OR1C1: variants seen among roughly 807,000 people sequenced by gnomAD.
OR1C1 encodes olfactory receptor family 1 subfamily C member 1.
For synonymous variants in OR1C1, 153 were observed against 154.6 expected, an observed-to-expected ratio of 0.99 and a Z score of 0.08; for missense variants, 407 against 384.3, an observed-to-expected ratio of 1.06 and a Z score of -0.49.
Position 247,757,171 on chromosome 1 carries a change from T to C in OR1C1, c.*291A>G. The C allele has an allele frequency of 8.1e-6, 2 of 247,740 alleles. No individual in the cohort carries two copies. The highest frequency in any genetic ancestry group is 1.5e-5 in the Non-Finnish European group (2 of 129,572). 15.3% of individuals were successfully genotyped at this position (247,740 alleles called of 1,614,324 possible). On this transcript the variant is annotated 3_prime_UTR_variant, in exon 2 of 2. Coordinates refer to ENST00000641256, the MANE Select transcript of OR1C1 (RefSeq NM_012353.3). ...TTTGGGAACTATATCACAGAGATTC[T>C]CATCACTAAGGTATATTTGTACTGG...
rs911300509 is a variant in OR1C1 at position 247,757,332 on chromosome 1, G to T, written c.*130C>A. On this transcript the variant is annotated 3_prime_UTR_variant, in exon 2 of 2. Coordinates refer to ENST00000641256, the MANE Select transcript of OR1C1 (RefSeq NM_012353.3). ...TTTAATGTGATAATTCATATAAAGT[G>T]CTTAACACGATTTCCAGCATAAGGG... 16 of 663,950 alleles carry T rather than the reference G, an allele frequency of 2.4e-5. No individual in the cohort carries two copies. The East Asian group carries it at 4.1e-4, about 17-fold the overall frequency. The allele number at this position is 663,950 out of a possible 1,614,324, so 41.1% of individuals were successfully genotyped here.
chr1:247,755,460 C>G lies in OR1C1; in HGVS notation c.*2002G>C, dbSNP rs1259103973. 2 of 151,936 alleles carry G rather than the reference C, an allele frequency of 1.3e-5. No individual in the cohort carries two copies. The highest frequency in any genetic ancestry group is 2.9e-5 in the Non-Finnish European group (2 of 67,956). 9.4% of individuals were successfully genotyped at this position (151,936 alleles called of 1,614,324 possible). A position where few individuals can be genotyped will look rare whatever the true frequency, so the allele number is the denominator to read the frequency against. The stretch of plus-strand genomic sequence containing the variant: ...ATAAGGAGTTCAAATAACTCAGTAG[C>G]AAAAAACTGCCAAATAACACAATTT... On this transcript the variant is annotated 3_prime_UTR_variant, in exon 2 of 2. Transcript: ENST00000641256.
At chr1:247,758,640 T>A (rs1661277628) in intron 1 of OR1C1, 1 of 425,516 alleles carries the variant, frequency 2.4e-6, no homozygotes, top group Non-Finnish European at 4.2e-6. Context: ...CAGTATCAAC[T>A]TCTTTCAAGA....
chr1:247,757,398 G>T lies in OR1C1; in HGVS notation c.*64C>A, dbSNP rs1661228494. The T allele has an allele frequency of 2.4e-6, 3 of 1,264,496 alleles. No individual in the cohort carries two copies. Among genetic ancestry groups the T allele is most frequent in the East Asian group, 4.7e-5 (2 of 42,976 alleles). 78.3% of individuals were successfully genotyped at this position (1,264,496 alleles called of 1,614,324 possible). On this transcript the variant is annotated 3_prime_UTR_variant, in exon 2 of 2. Coordinates refer to ENST00000641256, the MANE Select transcript of OR1C1 (RefSeq NM_012353.3). The stretch of plus-strand genomic sequence containing the variant: ...GTTGGTTTCTCTTCTCACTGTTATT[G>T]TGAGCATCTAGTCACACTTTCTTAT...
chr1:247,758,207 G>A lies in OR1C1; in HGVS notation c.200C>T (p.Ala67Val), dbSNP rs116453035. The change falls in exon 2 of 2, where the codon GCC becomes GTC. Residue 67 changes from alanine (A) to valine (V), a missense_variant. Coordinates refer to ENST00000641256, the MANE Select transcript of OR1C1 (RefSeq NM_012353.3). The stretch of plus-strand genomic sequence containing the variant: ...CGACGTAAAGCAGATGTCAACAAAG[G>A]CCAAGTTACTAAGGAAGAAGTACAT... ...SPMYFFLSNL[A>V]FVDICFTSTT... 3.2e-3 allele frequency: 5,097 copies of A among 1,614,012 alleles called. 104 individuals are homozygous for A. The African/African-American group carries it at 0.051, about 16-fold the overall frequency.
At chr1:247,759,644 A>G (rs1661294709) in intron 1 of OR1C1, among the ~76,000 whole-genome samples, 1 of 152,204 alleles carries the variant, frequency 6.6e-6, no homozygotes, top group African/African-American at 2.4e-5. Context: ...GATAATATAC[A>G]TGTTCTGGTT....
rs1661208741 is a variant in OR1C1, at chr1:247,756,275, A to G, written c.*1187T>C. 1 of 152,162 alleles carries G rather than the reference A, an allele frequency of 6.6e-6. No homozygotes were observed. Among genetic ancestry groups the G allele is most frequent in the Non-Finnish European group, 1.5e-5 (1 of 68,028 alleles). 9.4% of individuals were successfully genotyped at this position (152,162 alleles called of 1,614,324 possible). On this transcript the variant is annotated 3_prime_UTR_variant, in exon 2 of 2. Coordinates refer to ENST00000641256, the MANE Select transcript of OR1C1 (RefSeq NM_012353.3). This position sits in a 1 kb window ranked among gnomAD's most constrained non-coding sequence, Gnocchi z 4.3. ...TATTTTTTAAACCCTATTTGGTATT[A>G]TAAATTAGGTATACATGTTAGAAGA...
chr1:247,760,311 C>T (rs1188443326), intron 1 of OR1C1, 101 bp downstream of exon 1: 1 of 152,142 alleles, frequency 6.6e-6, no homozygotes, highest in Admixed American at 6.6e-5. Flanking sequence ...CATTGAAATG[C>T]TTAACAGCTT....
chr1:247,760,173 G>T (rs987264663), intron 1 of OR1C1, among the ~76,000 whole-genome samples: 11 of 152,120 alleles, frequency 7.2e-5, no homozygotes, highest in African/African-American at 2.2e-4. Context: ...AAATTCTGGA[G>T]AAATCATTTG....
In OR1C1 at chr1:247,754,874, A is replaced by T. The variant is rs900914973; in HGVS notation, c.*2588T>A. On this transcript the variant is annotated 3_prime_UTR_variant, in exon 2 of 2. Transcript: ENST00000641256. Reference sequence around the variant, plus strand: ...GATCTGATACCTGTACATTATATTTATCAAAACATCCCTGTGTACTCCATA... The same window carrying T: ...GATCTGATACCTGTACATTATATTTTTCAAAACATCCCTGTGTACTCCATA... 2 of 152,166 alleles carry T rather than the reference A, an allele frequency of 1.3e-5. No individual in the cohort carries two copies. Among genetic ancestry groups the T allele is most frequent in the African/African-American group, 2.4e-5 (1 of 41,450 alleles). The allele number at this position is 152,166 out of a possible 1,614,324, so 9.4% of individuals were successfully genotyped here. A position where few individuals can be genotyped will look rare whatever the true frequency, so the allele number is the denominator to read the frequency against.
Position 247,758,484 on chromosome 1 carries a change from GAC to G in OR1C1, c.-13-67_-13-66del, listed in dbSNP as rs1229158183. ...TTAAGTCTCTTATTCATGAGAGAGA[GAC>G]AGTGTGTGTGTGTGTGTGTGTGTGT... On this transcript the variant is annotated intron_variant, in intron 1 of 1. Transcript: ENST00000641256. The G allele has an allele frequency of 6.5e-6, 5 of 766,066 alleles. No homozygotes were observed. In the South Asian group the frequency reaches 7.0e-5, roughly 11 times the overall value. The allele number at this position is 766,066 out of a possible 1,614,324, so 47.5% of individuals were successfully genotyped here.
At position 247,757,575 on chromosome 1, in the gene OR1C1, A is replaced by G; in HGVS notation, c.832T>C (p.Tyr278His). The G allele has an allele frequency of 6.2e-7, 1 of 1,614,004 alleles. No homozygotes were observed. The highest frequency in any genetic ancestry group is 8.5e-7 in the Non-Finnish European group (1 of 1,179,920). ...TTCAGCATCGGAGCCACCATTGAAT[A>G]CATGATGGTTGACAGAGTGTCGCTC... ...PESDTLSTIMYSMVAPMLNPF... is the reference protein window; with the variant it reads ...PESDTLSTIMHSMVAPMLNPF... The change falls in exon 2 of 2, where the codon TAT becomes CAT. Residue 278 changes from tyrosine to histidine, a missense_variant. By Grantham distance (83) the Tyr-to-His change is moderately conservative. Transcript: ENST00000641256.
At chr1:247,759,825 A>C (rs1473036840) in intron 1 of OR1C1, among the ~76,000 whole-genome samples, 1 of 152,184 alleles carries the variant, frequency 6.6e-6, no homozygotes. Context: ...CCTTTTACCC[A>C]ACTTGAAGCA....
In OR1C1 at chr1:247,760,063, C is replaced by T. The variant is rs969649362; in HGVS notation, c.-14+349G>A. ...TAGTGAAATTTTAAGGAAAGAATTG[C>T]GATTTATTATATTGAATCCTTAGGA... On this transcript the variant is annotated intron_variant, in intron 1 of 1. Coordinates refer to ENST00000641256, the MANE Select transcript of OR1C1 (RefSeq NM_012353.3). Among the ~76,000 whole-genome samples, 7 of 152,108 alleles carry T rather than the reference C, an allele frequency of 4.6e-5. No individual in the cohort carries two copies. The East Asian group carries it at 5.8e-4, about 13-fold the overall frequency.
Position 247,755,284 on chromosome 1 carries a change from T to C in OR1C1, c.*2178A>G, listed in dbSNP as rs1661191305. The C allele has an allele frequency of 6.6e-6, 1 of 152,074 alleles. No individual in the cohort carries two copies. Among genetic ancestry groups the C allele is most frequent in the South Asian group, 2.1e-4 (1 of 4,824 alleles). The allele number at this position is 152,074 out of a possible 1,614,324, so 9.4% of individuals were successfully genotyped here. On this transcript the variant is annotated 3_prime_UTR_variant, in exon 2 of 2. Transcript: ENST00000641256. ...AATCTTTTAGATATGACTCCCACAA[T>C]TGACAAAACTAAAATTAACAAGCGC...
Position 247,757,570 on chromosome 1 carries a change from T to C in OR1C1, c.837A>G (p.Ser279=). ...AAGGATTCAGCATCGGAGCCACCAT[T>C]GAATACATGATGGTTGACAGAGTGT... ...ESDTLSTIMY[S]MVAPMLNPFI... Residue 279 remains serine (S), a synonymous_variant, in exon 2 of 2, where the codon TCA becomes TCG. Transcript: ENST00000641256. 1 of 1,613,912 alleles carries C rather than the reference T, an allele frequency of 6.2e-7. No homozygotes were observed. The highest frequency in any genetic ancestry group is 8.5e-7 in the Non-Finnish European group (1 of 1,179,904).
At position 247,756,570 on chromosome 1, in the gene OR1C1, A is replaced by G. The variant is rs1661213816; in HGVS notation, c.*892T>C. ...GTAGAAAGGAACCGGAATAGGTTGA[A>G]TAAACAATTAGATTGGATTGGATGG... On this transcript the variant is annotated 3_prime_UTR_variant, in exon 2 of 2. Coordinates refer to ENST00000641256, the MANE Select transcript of OR1C1 (RefSeq NM_012353.3). This position sits in a 1 kb window ranked among gnomAD's most constrained non-coding sequence, Gnocchi z 4.3. 6.6e-6 allele frequency: 1 copy of G among 152,224 alleles called. No individual in the cohort carries two copies. Among genetic ancestry groups the G allele is most frequent in the African/African-American group, 2.4e-5 (1 of 41,466 alleles). The allele number at this position is 152,224 out of a possible 1,614,324, so 9.4% of individuals were successfully genotyped here. A position where few individuals can be genotyped will look rare whatever the true frequency, so the allele number is the denominator to read the frequency against.
At chr1:247,758,463 G>T in intron 1 of OR1C1, 44 bp from the exon 2 acceptor site, 2 of 993,872 alleles carry the variant, frequency 2.0e-6, no homozygotes, top group Middle Eastern at 2.6e-4. Flanking sequence ...GCAGTGTTAA[G>T]TCTCTTATTC....
rs1481505747 is a variant in OR1C1 at position 247,757,548 on chromosome 1, G to A, written c.859C>T (p.Pro287Ser). The stretch of plus-strand genomic sequence containing the variant: ...CTGTTCCTTAGGGTATAGATGAAAG[G>A]ATTCAGCATCGGAGCCACCATTGAA... Reference protein sequence around the residue: ...MYSMVAPMLNPFIYTLRNRDM... With the variant: ...MYSMVAPMLNSFIYTLRNRDM... The change falls in exon 2 of 2, where the codon CCT becomes TCT. Residue 287 changes from proline to serine, a missense_variant. Pro to Ser is a moderately conservative substitution (Grantham distance 74). Transcript: ENST00000641256. The A allele has an allele frequency of 1.2e-6, 2 of 1,614,026 alleles. No individual in the cohort carries two copies. The highest frequency in any genetic ancestry group is 1.7e-6 in the Non-Finnish European group (2 of 1,179,998).
Sources: gnomAD v4.1 joint callset for allele counts (sites outside exome capture counted in the v4.1 genomes callset) on GRCh38, gnomAD v4.1.1 for gene constraint, Gnocchi (gnomAD v3.1) non-coding constraint, MANE v1.5 for transcripts, NCBI Gene and HGNC (gene_info 2026-07-23, HGNC 2026-07-21) for gene names.